Variants in NSFL1C observed in about 807,000 individuals in gnomAD.
The protein encoded by NSFL1C is NSFL1 cofactor p47.
A neutral mutation model predicts 43.1 loss-of-function variants in NSFL1C; 14 were observed. That is an observed-to-expected ratio of 0.32 (90% CI 0.21 to 0.51). The LOEUF (loss-of-function observed/expected upper bound fraction) is 0.51. Among genes scored for constraint, NSFL1C ranks in the 20% least tolerant of loss-of-function variants. The pLI, the probability that NSFL1C is intolerant of heterozygous loss-of-function variation, is 0.98. For synonymous variants in NSFL1C, 171 were observed against 183.5 expected, an observed-to-expected ratio of 0.93 and a Z score of 0.55; for missense variants, 406 against 472.5, an observed-to-expected ratio of 0.86 and a Z score of 1.30.
chr20:1,451,191 C>T (rs2122858465), intron 7 of NSFL1C, among the ~76,000 whole-genome samples: 1 of 152,286 alleles, frequency 6.6e-6, no homozygotes, highest in Admixed American at 6.5e-5. Context: ...GCCCTTGATG[C>T]AGTAGATGAA....
At chr20:1,451,786 G>A (rs2090185458) in intron 7 of NSFL1C, among the ~76,000 whole-genome samples, 1 of 152,208 alleles carries the variant, frequency 6.6e-6, no homozygotes, top group Non-Finnish European at 1.5e-5. Flanking sequence ...ATCATCAGAG[G>A]CTTTGAATGG....
At chr20:1,465,824 ACCT>A (rs2090498301) in intron 1 of NSFL1C, among the ~76,000 whole-genome samples, 1 of 152,068 alleles carries the variant, frequency 6.6e-6, no homozygotes, top group Non-Finnish European at 1.5e-5. Context: ...TTCCACTTCT[ACCT>A]CTTCTGCCTG....
chr20:1,452,360 TC>T, intron 7 of NSFL1C, 132 bp downstream of exon 7: 1 of 1,199,902 alleles, frequency 8.3e-7, no homozygotes, highest in Non-Finnish European at 1.2e-6. Context: ...ACACTCTTCC[TC>T]CCATACAAAT....
intron 2 of NSFL1C, among the ~76,000 whole-genome samples, chr20:1,462,072 A>C (rs913625659): frequency 8.5e-5 from 13 of 152,146 alleles, no homozygotes; most frequent in African/African-American, 3.1e-4. Context: ...CATTTCATAG[A>C]TTCCTCCTAG....
intron 2 of NSFL1C, among the ~76,000 whole-genome samples, chr20:1,459,852 T>C (rs2090375530): frequency 6.6e-6 from 1 of 152,230 alleles, no homozygotes; most frequent in African/African-American, 2.4e-5. Flanking sequence ...CAGCCTAAAG[T>C]TTCTTCCAAT....
At chr20:1,464,106 G>C (rs1031108955) in intron 2 of NSFL1C, 1 of 469,712 alleles carries the variant, frequency 2.1e-6, no homozygotes, top group African/African-American at 2.0e-5. Flanking sequence ...AAGTAGGTTT[G>C]TGGTTTCCCC....
intron 5 of NSFL1C, among the ~76,000 whole-genome samples, chr20:1,453,570 C>T (rs962930251): frequency 1.3e-5 from 2 of 152,206 alleles, no homozygotes; most frequent in African/African-American, 2.4e-5. Flanking sequence ...CACACATTCA[C>T]AGCAAAGGGT....
At position 1,442,616 on chromosome 20, in the gene NSFL1C, G is replaced by A. The variant is rs1224432961; in HGVS notation, c.*1133C>T. ...AACCTGCATAGCAATCAAACTTATA[G>A]GGGTGGTGGAGGGTCTTTACCAGGC... On this transcript the variant is annotated 3_prime_UTR_variant, in exon 9 of 9. Transcript: ENST00000216879. 1.3e-5 allele frequency: 2 copies of A among 152,212 alleles called. No individual in the cohort carries two copies. Among genetic ancestry groups the A allele is most frequent in the East Asian group, 1.9e-4 (1 of 5,188 alleles). 9.4% of individuals were successfully genotyped at this position (152,212 alleles called of 1,614,324 possible). A position where few individuals can be genotyped will look rare whatever the true frequency, so the allele number is the denominator to read the frequency against.
chr20:1,462,012 C>T (rs981026976), intron 2 of NSFL1C, among the ~76,000 whole-genome samples: 8 of 152,184 alleles, frequency 5.3e-5, no homozygotes, highest in South Asian at 4.1e-4. Context: ...CTAACATGTA[C>T]ACAAACTTTT....
rs1173336310 is a variant in NSFL1C, at chr20:1,443,825, T to C, written c.1037A>G (p.Lys346Arg). The C allele has an allele frequency of 3.7e-6, 6 of 1,614,016 alleles. No homozygotes were observed. The South Asian group carries it at 5.5e-5, about 15-fold the overall frequency. Residue 346 changes from lysine (K) to arginine (R), a missense_variant, in exon 9 of 9, where the codon AAA becomes AGA. By Grantham distance (26) the Lys-to-Arg change is conservative. This residue lies in a region of NSFL1C where 196 missense variants were observed against 228.0 expected (regional missense o/e 0.86). Coordinates refer to ENST00000216879, the MANE Select transcript of NSFL1C (RefSeq NM_016143.5). ...GGTCTGGCTCTCATCAGCCAGCTCT[T>C]TGTTCGGGAAAGTAGTCATGAGGAT... The part of the protein sequence containing the change: ...SFILMTTFPN[K>R]ELADESQTLK...
At chr20:1,452,755 C>T in intron 6 of NSFL1C, 125 bp from the exon 7 acceptor site, 1 of 1,197,134 alleles carries the variant, frequency 8.4e-7, no homozygotes, top group Admixed American at 2.2e-5. Flanking sequence ...AGGGAGCAGG[C>T]TACTCTGGTG....
chr20:1,449,708 A>G (rs1191687222), intron 7 of NSFL1C, among the ~76,000 whole-genome samples: 1 of 152,164 alleles, frequency 6.6e-6, no homozygotes, highest in Non-Finnish European at 1.5e-5. Flanking sequence ...GGGGAAAATG[A>G]GTCTCAATTC....
At chr20:1,457,978 C>A in intron 3 of NSFL1C, 1 of 426,292 alleles carries the variant, frequency 2.3e-6, no homozygotes. Flanking sequence ...TGTTTCCCTC[C>A]CCTAATATTC....
At chr20:1,460,237 T>C (rs2090383426) in intron 2 of NSFL1C, among the ~76,000 whole-genome samples, 7 of 152,290 alleles carry the variant, frequency 4.6e-5, no homozygotes, top group Admixed American at 4.6e-4. Flanking sequence ...GTACTACTCT[T>C]GAGTAGCAGT....
intron 2 of NSFL1C, among the ~76,000 whole-genome samples, chr20:1,460,861 A>T (rs2090395423): frequency 6.6e-6 from 1 of 152,200 alleles, no homozygotes; most frequent in Non-Finnish European, 1.5e-5. Context: ...TTAAAGTACA[A>T]CTTTTGCTGG....
intron 8 of NSFL1C, among the ~76,000 whole-genome samples, chr20:1,444,284 C>T (rs900781545): frequency 6.6e-6 from 1 of 152,204 alleles, no homozygotes; most frequent in Non-Finnish European, 1.5e-5. Context: ...CAACTCAGGC[C>T]TCGGATCCAA....
intron 8 of NSFL1C, among the ~76,000 whole-genome samples, chr20:1,445,390 T>TA (rs907136374): frequency 6.6e-6 from 1 of 152,012 alleles, no homozygotes; most frequent in Non-Finnish European, 1.5e-5. Context: ...TCTGGTAGCT[T>TA]AAAAAAAGCC....
At chr20:1,453,170 G>A (rs2090220431) in intron 5 of NSFL1C, 30 bp from the exon 6 acceptor site, 13 of 1,281,188 alleles carry the variant, frequency 1.0e-5, no homozygotes, top group East Asian at 2.3e-5. Context: ...ACAGTTACCA[G>A]GGATCTGGCA....
At position 1,464,634 on chromosome 20, in the gene NSFL1C, A is replaced by T. The variant is rs145724596; in HGVS notation, c.106-208T>A. 6.3e-3 allele frequency among the ~76,000 whole-genome samples: 959 copies of T among 152,376 alleles called. 14 individuals are homozygous for T. The highest frequency in any genetic ancestry group is 0.022 in the African/African-American group (915 of 41,594). On this transcript the variant is annotated intron_variant, in intron 1 of 8. Transcript: ENST00000216879. ...AATTCCACCCACTAAGGTGAAAAGA[A>T]GGCAGTAAGAATGGCTGGGGTGGAA...
Sources: gnomAD v4.1 joint callset for allele counts (sites outside exome capture counted in the v4.1 genomes callset) on GRCh38, gnomAD v4.1.1 for gene constraint, gnomAD v4.1.1 regional missense constraint, MANE v1.5 for transcripts, NCBI Gene and HGNC (gene_info 2026-07-23, HGNC 2026-07-21) for gene names.